The following MRTFB variants were observed in gnomAD, a reference collection of about 807,000 sequenced individuals.
MRTFB encodes the protein myocardin-related transcription factor B.
Under a neutral mutation model 104.2 loss-of-function variants are expected in MRTFB, and 29 were observed. The ratio of observed to expected loss-of-function variants is 0.28; its 90% CI spans 0.21 to 0.38. MRTFB has a LOEUF of 0.38. Among genes scored for constraint, MRTFB ranks in the 10% least tolerant of loss-of-function variants. The pLI, the probability that MRTFB is intolerant of heterozygous loss-of-function variation, is 1.00. For missense variants in MRTFB, 1,270 were observed against 1,341.6 expected (o/e 0.95, Z 0.83); for synonymous variants, 535 against 519.5 (o/e 1.03, Z -0.41).
At chr16:14,102,984 T>G (rs1214120469) in intron 2 of MRTFB, among the ~76,000 whole-genome samples, 2 of 152,186 alleles carry the variant, frequency 1.3e-5, no homozygotes, top group African/African-American at 4.8e-5. Context: ...TCAGCTCCCT[T>G]TGCCAGGAGT....
chr16:14,170,642 T>A (rs1365446024), intron 3 of MRTFB, among the ~76,000 whole-genome samples: 1 of 152,220 alleles, frequency 6.6e-6, no homozygotes, highest in East Asian at 1.9e-4. Flanking sequence ...TAAACCATTA[T>A]ACATATATAT....
chr16:14,188,354 T>A (rs893112971), intron 3 of MRTFB, among the ~76,000 whole-genome samples: 28 of 152,156 alleles, frequency 1.8e-4, no homozygotes, highest in Non-Finnish European at 2.2e-4. Flanking sequence ...AAGCTCCTAA[T>A]AATACCATAA....
At chr16:14,174,685 A>G (rs2039526062) in intron 3 of MRTFB, among the ~76,000 whole-genome samples, 1 of 151,678 alleles carries the variant, frequency 6.6e-6, no homozygotes, top group African/African-American at 2.4e-5. Context: ...TTTGCTCCCC[A>G]CCCCCCAGAA....
chr16:14,224,845 C>T (rs2041925086), intron 8 of MRTFB, among the ~76,000 whole-genome samples: 1 of 152,160 alleles, frequency 6.6e-6, no homozygotes, highest in African/African-American at 2.4e-5. Flanking sequence ...AAGAATCCTT[C>T]AATCTGAAGT....
intron 2 of MRTFB, among the ~76,000 whole-genome samples, chr16:14,081,050 C>A (rs1228571237): frequency 6.6e-6 from 1 of 152,146 alleles, no homozygotes; most frequent in Non-Finnish European, 1.5e-5. Flanking sequence ...ATGGTAGTTT[C>A]ATTTTTAATT....
At chr16:14,223,451 AAAAG>A (rs1207864790) in intron 8 of MRTFB, among the ~76,000 whole-genome samples, 8 of 152,192 alleles carry the variant, frequency 5.3e-5, no homozygotes, top group African/African-American at 1.9e-4. Context: ...CTCAAAAACT[AAAAG>A]AAAGAAAACA....
intron 4 of MRTFB, 107 bp downstream of exon 4, chr16:14,210,415 C>CA: frequency 7.8e-6 from 6 of 771,428 alleles, no homozygotes; most frequent in Non-Finnish European, 1.2e-5. Flanking sequence ...ATTTAATCAA[C>CA]AAACAATTAC....
In MRTFB at chr16:14,229,131, A is replaced by G. The variant is rs529107116; in HGVS notation, c.694-5015A>G. On this transcript the variant is annotated intron_variant, in intron 8 of 16. Transcript: ENST00000571589. Reference sequence around the variant, plus strand: ...AAAGCAGGGATACGTGCAGATCCTCACTACCAATCAGGTCATCAAGTACCC... The same window carrying G: ...AAAGCAGGGATACGTGCAGATCCTCGCTACCAATCAGGTCATCAAGTACCC... 7.2e-5 allele frequency among the ~76,000 whole-genome samples: 11 copies of G among 152,334 alleles called. No homozygotes were observed. The East Asian group carries it at 1.7e-3, about 24-fold the overall frequency.
At chr16:14,035,584 T>C in the MRTFB span, among the ~76,000 whole-genome samples, 74 of 152,290 alleles carry the variant, frequency 4.9e-4, no homozygotes, top group African/African-American at 1.7e-3. Flanking sequence ...ATTTATTATA[T>C]GTTAATCTTC....
chr16:14,116,179 G>A (rs894558720), intron 2 of MRTFB, among the ~76,000 whole-genome samples: 2 of 149,200 alleles, frequency 1.3e-5, no homozygotes, highest in African/African-American at 4.9e-5. Flanking sequence ...TTTTTTTCTT[G>A]CAAACATATT....
intron 6 of MRTFB, 32 bp downstream of exon 6, chr16:14,213,652 AT>A: frequency 7.0e-7 from 1 of 1,430,684 alleles, no homozygotes. Context: ...AATCTGCTGT[AT>A]TTTTTCAAGA....
intron 12 of MRTFB, 195 bp from the exon 13 acceptor site, chr16:14,248,731 C>A: frequency 1.9e-6 from 1 of 529,536 alleles, no homozygotes. Context: ...CATGCAGTGA[C>A]TGGTCTGATG....
At chr16:14,240,627 A>C in intron 10 of MRTFB, 143 bp downstream of exon 10, 2 of 1,347,528 alleles carry the variant, frequency 1.5e-6, no homozygotes, top group Non-Finnish European at 2.1e-6. Flanking sequence ...CTTATCACAC[A>C]GTGTCTGAAG....
At chr16:14,143,739 A>G (rs957542361) in intron 3 of MRTFB, 3 of 151,994 alleles carry the variant, frequency 2.0e-5, no homozygotes, top group African/African-American at 7.3e-5. Context: ...TTAGTTGTAT[A>G]CTCATAATCT....
the MRTFB span, among the ~76,000 whole-genome samples, chr16:14,053,992 G>A: frequency 2.0e-5 from 3 of 152,076 alleles, no homozygotes; most frequent in East Asian, 1.9e-4. Context: ...TTGTGAGGTC[G>A]TGTGCTAGTT....
intron 13 of MRTFB, among the ~76,000 whole-genome samples, 176 bp downstream of exon 13, chr16:14,249,257 A>G (rs2043155959): frequency 1.3e-5 from 2 of 152,226 alleles, no homozygotes; most frequent in African/African-American, 4.8e-5. Flanking sequence ...TTTCCCAGTT[A>G]TTTGGAATGG....
upstream of MRTFB, among the ~76,000 whole-genome samples, chr16:14,068,334 C>T (rs2033542900): frequency 6.6e-6 from 1 of 152,126 alleles, no homozygotes; most frequent in Admixed American, 6.6e-5. Flanking sequence ...TACTCATGTT[C>T]TTATGTTAGA....
At chr16:14,248,131 T>G (rs1380331982) in intron 12 of MRTFB, 1 of 152,670 alleles carries the variant, frequency 6.6e-6, no homozygotes, top group Admixed American at 6.5e-5. Context: ...TTGAAAGAGA[T>G]GAGAAAACAC....
chr16:14,042,001 T>C, the MRTFB span, among the ~76,000 whole-genome samples: 13 of 152,228 alleles, frequency 8.5e-5, no homozygotes, highest in Non-Finnish European at 1.6e-4. Flanking sequence ...ATGGTAATTC[T>C]ATTTTTAATT....
Sources: gnomAD v4.1 joint callset for allele counts (sites outside exome capture counted in the v4.1 genomes callset) on GRCh38, gnomAD v4.1.1 for gene constraint, MANE v1.5 for transcripts, NCBI Gene and HGNC (gene_info 2026-07-23, HGNC 2026-07-21) for gene names.